Variants in C8orf34 observed in about 807,000 individuals in gnomAD.
The protein encoded by C8orf34 is chromosome 8 open reading frame 34, also known as uncharacterized protein C8orf34.
C8orf34 carries 65 observed loss-of-function variants against 68.3 expected under a neutral mutation model. The observed-to-expected ratio is 0.95, with a 90% CI of 0.78 to 1.17. The LOEUF is 1.17. Ranked by LOEUF, C8orf34 falls within the 50% of genes most tolerant of loss-of-function variation. The pLI, the probability that C8orf34 is intolerant of heterozygous loss-of-function variation, is 0.00. For synonymous variants in C8orf34, 244 were observed against 241.2 expected (o/e 1.01, Z -0.11); for missense variants, 664 against 655.4 (o/e 1.01, Z -0.14).
At chr8:68,551,747 A>G (rs1047986432) in intron 7 of C8orf34, among the ~76,000 whole-genome samples, 13 of 152,080 alleles carry the variant, frequency 8.5e-5, no homozygotes, top group Admixed American at 1.3e-4. Flanking sequence ...CTGTGCTTCT[A>G]GACTTTGAAC....
At chr8:68,723,479 G>A (rs1821739789) in intron 10 of C8orf34, among the ~76,000 whole-genome samples, 1 of 152,070 alleles carries the variant, frequency 6.6e-6, no homozygotes, top group Non-Finnish European at 1.5e-5. Flanking sequence ...CTCACATAGA[G>A]TACAATGAAG....
intron 7 of C8orf34, among the ~76,000 whole-genome samples, chr8:68,608,775 G>C (rs1043115911): frequency 2.0e-5 from 3 of 152,012 alleles, no homozygotes; most frequent in Non-Finnish European, 2.9e-5. Context: ...AAGAAATAAG[G>C]AGAAGAGTTG....
intron 10 of C8orf34, among the ~76,000 whole-genome samples, chr8:68,751,293 G>T (rs1403712690): frequency 6.6e-6 from 1 of 152,180 alleles, no homozygotes. Context: ...CTGCCAGGAA[G>T]AACGCAGAGC....
intron 1 of C8orf34, among the ~76,000 whole-genome samples, chr8:68,394,602 T>C (rs1364927494): frequency 4.6e-5 from 7 of 152,130 alleles, no homozygotes. Context: ...GTGCCAAATA[T>C]TTTACAAAGT....
intron 8 of C8orf34, among the ~76,000 whole-genome samples, chr8:68,661,488 A>C (rs1819677778): frequency 6.6e-6 from 1 of 152,230 alleles, no homozygotes; most frequent in Non-Finnish European, 1.5e-5. Context: ...AGTGAATGGA[A>C]TAGAATTTAT....
At chr8:68,559,245 G>T (rs1046822246) in intron 7 of C8orf34, among the ~76,000 whole-genome samples, 1 of 152,230 alleles carries the variant, frequency 6.6e-6, no homozygotes, top group Non-Finnish European at 1.5e-5. Flanking sequence ...ACAGATGGAG[G>T]AGCCTAAAGT....
intron 1 of C8orf34, among the ~76,000 whole-genome samples, chr8:68,366,906 A>C (rs1807287983): frequency 8.8e-6 from 1 of 113,912 alleles, no homozygotes; most frequent in African/African-American, 3.5e-5. Context: ...ATGGGATCTA[A>C]TTAAACTAAA....
At chr8:68,641,466 G>A (rs920700713) in intron 8 of C8orf34, among the ~76,000 whole-genome samples, 6 of 152,194 alleles carry the variant, frequency 3.9e-5, no homozygotes, top group Admixed American at 3.9e-4. Flanking sequence ...AGTGAAAACC[G>A]CAATGGAAAC....
chr8:68,513,961 C>T (rs892684400), intron 5 of C8orf34, among the ~76,000 whole-genome samples: 5 of 152,156 alleles, frequency 3.3e-5, no homozygotes, highest in South Asian at 2.1e-4. Context: ...TTAGAAGCAA[C>T]AGGAAGAGAT....
chr8:68,530,480 A>G, intron 6 of C8orf34: 1 of 297,752 alleles, frequency 3.4e-6, no homozygotes. Context: ...TTAACATGTT[A>G]GATCTATCAG....
chr8:68,360,756 C>T (rs370843457), intron 1 of C8orf34, among the ~76,000 whole-genome samples: 4,951 of 134,552 alleles, frequency 0.037, 300 homozygotes, highest in African/African-American at 0.13. Context: ...TTCTTCCTTT[C>T]TTTTTTTTTT....
intron 1 of C8orf34, chr8:68,438,940 G>T (rs1016486009): frequency 2.6e-5 from 4 of 152,046 alleles, no homozygotes; most frequent in African/African-American, 9.7e-5. Context: ...ACGTAACAGG[G>T]ATTTTTACAA....
chr8:68,542,770 G>GT (rs1220752530), intron 7 of C8orf34, among the ~76,000 whole-genome samples: 5 of 151,842 alleles, frequency 3.3e-5, no homozygotes, highest in Non-Finnish European at 7.4e-5. Context: ...AAGAACATAC[G>GT]TTTTTTAAAA....
intron 12 of C8orf34, among the ~76,000 whole-genome samples, chr8:68,795,349 T>C (rs1473554363): frequency 6.6e-6 from 1 of 151,238 alleles, no homozygotes; most frequent in Non-Finnish European, 1.5e-5. Context: ...TTCCTATTTA[T>C]GGGCCACAAT....
chr8:68,452,611 G>A lies in C8orf34; in HGVS notation c.607+6151G>A, dbSNP rs1811391107. 2.7e-5 allele frequency among the ~76,000 whole-genome samples: 4 copies of A among 149,878 alleles called. No homozygotes were observed. In the South Asian group the frequency reaches 6.3e-4, roughly 24 times the overall value. The stretch of plus-strand genomic sequence containing the variant: ...ATACACTTAGCTCATTTTTAAGGGG[G>A]TTGTTACTCTTTATTCTTGAGTTAT... On this transcript the variant is annotated intron_variant, in intron 3 of 13. Coordinates refer to ENST00000518698, the MANE Select transcript of C8orf34 (RefSeq NM_052958.4).
At chr8:68,508,154 C>CA (rs1175370805) in intron 5 of C8orf34, among the ~76,000 whole-genome samples, 2 of 152,110 alleles carry the variant, frequency 1.3e-5, no homozygotes, top group African/African-American at 4.8e-5. Flanking sequence ...GCAAATTGGC[C>CA]AGTTATTTTC....
chr8:68,719,324 G>T (rs1341119429), intron 9 of C8orf34, among the ~76,000 whole-genome samples: 1 of 151,938 alleles, frequency 6.6e-6, no homozygotes, highest in Non-Finnish European at 1.5e-5. Context: ...TAAGCTCAAT[G>T]GGCATTACTA....
intron 8 of C8orf34, among the ~76,000 whole-genome samples, chr8:68,692,384 G>A (rs867324374): frequency 6.6e-6 from 1 of 151,956 alleles, no homozygotes; most frequent in African/African-American, 2.4e-5. Context: ...CCAAACCCTT[G>A]TATCACAAGA....
chr8:68,472,532 G>T (rs1019580664), intron 4 of C8orf34, among the ~76,000 whole-genome samples: 5 of 152,078 alleles, frequency 3.3e-5, no homozygotes, highest in Non-Finnish European at 7.4e-5. Flanking sequence ...ACTCAAAGAG[G>T]AAAAGATGCA....
Sources: gnomAD v4.1 joint callset for allele counts (sites outside exome capture counted in the v4.1 genomes callset) on GRCh38, gnomAD v4.1.1 for gene constraint, MANE v1.5 for transcripts, NCBI Gene and HGNC (gene_info 2026-07-23, HGNC 2026-07-21) for gene names.